SERTM2: variants seen among roughly 807,000 people sequenced by gnomAD.
The protein encoded by SERTM2 is serine rich and transmembrane domain containing 2, also known as serine-rich and transmembrane domain-containing protein 2.
chrX:111,521,105 A>G lies in SERTM2; in HGVS notation c.*1975A>G. Reference sequence around the variant, plus strand: ...GGCTGGCTAAATGAAGGAACTGATTATACTTTCAACAGCAGTGAATAGCAA... The same window carrying G: ...GGCTGGCTAAATGAAGGAACTGATTGTACTTTCAACAGCAGTGAATAGCAA... On this transcript the variant is annotated 3_prime_UTR_variant, in exon 3 of 3. Transcript: ENST00000569275. The G allele has an allele frequency of 8.9e-6, 1 of 112,238 alleles. No individual in the cohort carries two copies. Among genetic ancestry groups the G allele is most frequent in the Middle Eastern group, 4.6e-3 (1 of 217 alleles). The allele number at this position is 112,238 out of a possible 1,213,427, so 9.2% of individuals were successfully genotyped here. A position where few individuals can be genotyped will look rare whatever the true frequency, so the allele number is the denominator to read the frequency against.
At chrX:111,512,422 T>C (rs988540620) in intron 2 of SERTM2, among the ~76,000 whole-genome samples, 9 of 112,195 alleles carry the variant, frequency 8.0e-5, no homozygotes, top group South Asian at 3.7e-4. Flanking sequence ...ATTGTTCCAC[T>C]GAAGGTTTTC....
At chrX:111,516,828 C>T (rs1430477413) in intron 2 of SERTM2, among the ~76,000 whole-genome samples, 1 of 111,233 alleles carries the variant, frequency 9.0e-6, no homozygotes, top group African/African-American at 3.3e-5. Flanking sequence ...ATAATGTGAC[C>T]GTTGGAGCTA....
At chrX:111,512,599 T>C (rs984625827) in intron 2 of SERTM2, among the ~76,000 whole-genome samples, 1 of 111,480 alleles carries the variant, frequency 9.0e-6, no homozygotes, top group Admixed American at 9.5e-5. Flanking sequence ...GTACACTTAT[T>C]TTATATCTCC....
Position 111,512,442 on chromosome X carries a change from T to C in SERTM2, c.-784+348T>C, listed in dbSNP as rs563525419. Among the ~76,000 whole-genome samples the C allele has an allele frequency of 4.5e-5, 5 of 112,205 alleles. No individual in the cohort carries two copies. The South Asian group carries it at 1.8e-3, about 41-fold the overall frequency. ...TCCACTGAAGGTTTTCCTTAACTAC[T>C]TGATGAGATTTCAGCTCTGGAATTA... On this transcript the variant is annotated intron_variant, in intron 2 of 2. Transcript: ENST00000569275.
In SERTM2 at chrX:111,520,989, G is replaced by C. The variant is rs1930403133; in HGVS notation, c.*1859G>C. 1 of 111,318 alleles carries C rather than the reference G, an allele frequency of 9.0e-6. No individual in the cohort carries two copies. Among genetic ancestry groups the C allele is most frequent in the African/African-American group, 3.3e-5 (1 of 30,538 alleles). The allele number at this position is 111,318 out of a possible 1,213,427, so 9.2% of individuals were successfully genotyped here. On this transcript the variant is annotated 3_prime_UTR_variant, in exon 3 of 3. Transcript: ENST00000569275. ...CAAGACTGGCAACACCCCCCCTCCA[G>C]AACTTCTTAAGAACACACATCTTCC...
intron 2 of SERTM2, among the ~76,000 whole-genome samples, chrX:111,515,564 T>A (rs1053006068): frequency 6.3e-5 from 7 of 111,729 alleles, no homozygotes; most frequent in African/African-American, 2.3e-4. Flanking sequence ...CATATCAAAA[T>A]CACCTGTGGA....
chrX:111,517,948 AT>A (rs1247375158), intron 2 of SERTM2, 126 bp from the exon 3 acceptor site: 1 of 112,408 alleles, frequency 8.9e-6, no homozygotes, highest in Non-Finnish European at 1.9e-5. Flanking sequence ...AAGAAAAAGC[AT>A]TCTAAAATTA....
chrX:111,513,254 C>T (rs1427522915), intron 2 of SERTM2, among the ~76,000 whole-genome samples: 1 of 109,340 alleles, frequency 9.1e-6, no homozygotes, highest in African/African-American at 3.3e-5. Context: ...TCCTCTCTCC[C>T]TTCCCTCTTC....
rs1930349803 is a variant in SERTM2 at position 111,518,204 on chromosome X, A to G, written c.-654A>G. ...TGACAACACTTTCCCTCCAGCCTAC[A>G]GTGAGGGATGTCAACAAAGCTACAG... On this transcript the variant is annotated 5_prime_UTR_variant, in exon 3 of 3. Coordinates refer to ENST00000569275, the MANE Select transcript of SERTM2 (RefSeq NM_001354473.2). 1 of 111,429 alleles carries G rather than the reference A, an allele frequency of 9.0e-6. No homozygotes were observed. The highest frequency in any genetic ancestry group is 9.6e-5 in the Admixed American group (1 of 10,442). The allele number at this position is 111,429 out of a possible 1,213,427, so 9.2% of individuals were successfully genotyped here. A position where few individuals can be genotyped will look rare whatever the true frequency, so the allele number is the denominator to read the frequency against.
chrX:111,513,303 C>G lies in SERTM2; in HGVS notation c.-784+1209C>G, dbSNP rs1471539443. ...TCTTTCTTTCCCTAATTCCTTACCC[C>G]CTTTTCCATTCCTCACTCTCCTCCT... On this transcript the variant is annotated intron_variant, in intron 2 of 2. Transcript: ENST00000569275. 4.5e-5 allele frequency among the ~76,000 whole-genome samples: 5 copies of G among 110,279 alleles called. No homozygotes were observed. In the East Asian group the frequency reaches 1.4e-3, roughly 31 times the overall value.
In SERTM2 at chrX:111,519,360, T is replaced by C. The variant is rs769841024; in HGVS notation, c.*230T>C. 8.5e-5 allele frequency: 19 copies of C among 222,481 alleles called. No individual in the cohort carries two copies. In the East Asian group the frequency reaches 1.3e-3, roughly 16 times the overall value. The allele number at this position is 222,481 out of a possible 1,213,427, so 18.3% of individuals were successfully genotyped here. On this transcript the variant is annotated 3_prime_UTR_variant, in exon 3 of 3. Coordinates refer to ENST00000569275, the MANE Select transcript of SERTM2 (RefSeq NM_001354473.2). ...AAGGAATATAGGAAAAGACAGCTGG[T>C]TGGGAGGGCTGGTTTCCATAGTAAC... is the stretch of plus-strand genomic sequence containing the variant.
In SERTM2 at chrX:111,518,182, C is replaced by A. The variant is rs541964692; in HGVS notation, c.-676C>A. The A allele has an allele frequency of 9.0e-6, 1 of 111,384 alleles. No homozygotes were observed. Among genetic ancestry groups the A allele is most frequent in the Admixed American group, 9.6e-5 (1 of 10,461 alleles). 9.2% of individuals were successfully genotyped at this position (111,384 alleles called of 1,213,427 possible). On this transcript the variant is annotated 5_prime_UTR_variant, in exon 3 of 3. Coordinates refer to ENST00000569275, the MANE Select transcript of SERTM2 (RefSeq NM_001354473.2). ...CTCACCTGAGAATTACCAGGTCTGA[C>A]AACACTTTCCCTCCAGCCTACAGTG...
At position 111,519,208 on chromosome X, in the gene SERTM2, A is replaced by G. The variant is rs1930369906; in HGVS notation, c.*78A>G. ...TGTCCAGGAGAGCTTGCTTTCTTGC[A>G]TGAAGCTTCCCATGTAGGGAATCCA... On this transcript the variant is annotated 3_prime_UTR_variant, in exon 3 of 3. Coordinates refer to ENST00000569275, the MANE Select transcript of SERTM2 (RefSeq NM_001354473.2). 1.0e-5 allele frequency: 3 copies of G among 296,223 alleles called. No homozygotes were observed. The highest frequency in any genetic ancestry group is 1.8e-5 in the Non-Finnish European group (3 of 169,439). 24.4% of individuals were successfully genotyped at this position (296,223 alleles called of 1,213,427 possible).
At chrX:111,512,233 A>G (rs1011737136) in intron 2 of SERTM2, 139 bp downstream of exon 2, 4 of 279,845 alleles carry the variant, frequency 1.4e-5, no homozygotes, top group African/African-American at 1.1e-4. Flanking sequence ...CTTATTACTT[A>G]ATGGCTCCAG....
intron 2 of SERTM2, among the ~76,000 whole-genome samples, chrX:111,516,058 G>T (rs146942891): frequency 3.0e-3 from 321 of 108,811 alleles, no homozygotes; most frequent in Non-Finnish European, 5.1e-3. Context: ...GGCATCAGTA[G>T]GGCCGTGCAC....
chrX:111,512,752 G>A (rs775068155), intron 2 of SERTM2, among the ~76,000 whole-genome samples: 1 of 111,736 alleles, frequency 8.9e-6, no homozygotes, highest in East Asian at 2.8e-4. Flanking sequence ...TCTCGGGCTT[G>A]ATTGATGCAG....
intron 2 of SERTM2, among the ~76,000 whole-genome samples, chrX:111,514,587 G>A (rs918804669): frequency 1.8e-5 from 2 of 111,283 alleles, no homozygotes; most frequent in African/African-American, 3.3e-5. Flanking sequence ...AAGCAGGGAA[G>A]TAGGTAAGAG....
chrX:111,516,467 A>G (rs776828935), intron 2 of SERTM2, among the ~76,000 whole-genome samples: 7 of 109,591 alleles, frequency 6.4e-5, no homozygotes, highest in African/African-American at 2.0e-4. Flanking sequence ...ACAATAATTA[A>G]CTCTCAAAGC....
Position 111,519,305 on chromosome X carries a change from GCTAT to G in SERTM2, c.*179_*182del, listed in dbSNP as rs996062880. 28 of 273,533 alleles carry G rather than the reference GCTAT, an allele frequency of 1.0e-4. No individual in the cohort carries two copies. Among genetic ancestry groups the G allele is most frequent in the Middle Eastern group, 9.9e-4 (1 of 1,006 alleles). The allele number at this position is 273,533 out of a possible 1,213,427, so 22.5% of individuals were successfully genotyped here. A position where few individuals can be genotyped will look rare whatever the true frequency, so the allele number is the denominator to read the frequency against. On this transcript the variant is annotated 3_prime_UTR_variant, in exon 3 of 3. Transcript: ENST00000569275. ...TTCTTCATCTTTACTCTGCTTGTGG[GCTAT>G]CTAAAACGTTTAAGACTCACTCTGA...
Sources: allele counts gnomAD v4.1 joint callset (sites outside exome capture counted in the v4.1 genomes callset), GRCh38; gene constraint gnomAD v4.1.1; transcripts MANE v1.5; gene names NCBI Gene and HGNC (gene_info 2026-07-23, HGNC 2026-07-21).